Variants in ENTREP2 observed in about 807,000 individuals in gnomAD.
The protein encoded by ENTREP2 is endosomal transmembrane epsin interactor 2, also known as protein ENTREP2.
At chr15:29,565,918 G>A in the ENTREP2 span, among the ~76,000 whole-genome samples, 268 of 151,286 alleles carry the variant, frequency 1.8e-3, 1 homozygote, top group Middle Eastern at 6.8e-3. Context: ...CCGAGATCAC[G>A]CCACTGCACT....
At chr15:29,136,709 C>T in the ENTREP2 span, among the ~76,000 whole-genome samples, 1 of 150,954 alleles carries the variant, frequency 6.6e-6, no homozygotes, top group South Asian at 2.1e-4. Context: ...TCAATAAACT[C>T]TACTGACCTG....
chr15:29,279,261 G>C, the ENTREP2 span, among the ~76,000 whole-genome samples: 3 of 152,088 alleles, frequency 2.0e-5, no homozygotes, highest in African/African-American at 7.2e-5. Context: ...GAAAGTATAA[G>C]TGCTCCAGTT....
the ENTREP2 span, among the ~76,000 whole-genome samples, chr15:29,633,998 C>T: frequency 6.6e-6 from 1 of 152,014 alleles, no homozygotes; most frequent in Non-Finnish European, 1.5e-5. Context: ...ATGAGGGGCT[C>T]ACTGCTCGGG....
the ENTREP2 span, chr15:29,196,348 A>C: frequency 6.8e-7 from 1 of 1,471,978 alleles, no homozygotes; most frequent in Non-Finnish European, 9.2e-7. Flanking sequence ...GCTGAAAGGA[A>C]TCTATATGTT....
chr15:29,158,929 A>C, the ENTREP2 span, among the ~76,000 whole-genome samples: 6 of 152,340 alleles, frequency 3.9e-5, no homozygotes, highest in South Asian at 6.2e-4. Flanking sequence ...TCTCCAGTCT[A>C]CGTAAGTTAT....
chr15:29,440,056 T>C, the ENTREP2 span, among the ~76,000 whole-genome samples: 1 of 152,136 alleles, frequency 6.6e-6, no homozygotes, highest in African/African-American at 2.4e-5. Context: ...ACCTGATCCA[T>C]ATACTTCAAA....
the ENTREP2 span, chr15:29,124,622 C>T: frequency 2.8e-5 from 39 of 1,377,222 alleles, no homozygotes; most frequent in Admixed American, 2.0e-4. Flanking sequence ...AGCCAAGGAC[C>T]CACCAACACC....
the ENTREP2 span, among the ~76,000 whole-genome samples, chr15:29,490,453 G>C: frequency 0.04 from 6,159 of 152,198 alleles, 399 homozygotes; most frequent in African/African-American, 0.14. Context: ...TCCCTTGTCT[G>C]ACCCCACCCA....
chr15:29,330,428 G>A, the ENTREP2 span, among the ~76,000 whole-genome samples: 1 of 152,038 alleles, frequency 6.6e-6, no homozygotes, highest in Non-Finnish European at 1.5e-5. Flanking sequence ...CAGCCTGGGC[G>A]ACAGAGCGAG....
the ENTREP2 span, among the ~76,000 whole-genome samples, chr15:29,629,947 T>C: frequency 1.3e-5 from 2 of 151,984 alleles, no homozygotes; most frequent in Admixed American, 1.3e-4. Context: ...TGAAACCCCA[T>C]CTCTACTAAA....
At chr15:29,343,032 G>GGGGT in the ENTREP2 span, among the ~76,000 whole-genome samples, 47 of 146,220 alleles carry the variant, frequency 3.2e-4, 1 homozygote, top group South Asian at 0.01. Flanking sequence ...AGGAATGGGG[G>GGGGT]GGGTGGTTCT....
At chr15:29,581,529 T>C in the ENTREP2 span, among the ~76,000 whole-genome samples, 1 of 152,118 alleles carries the variant, frequency 6.6e-6, no homozygotes, top group Non-Finnish European at 1.5e-5. Context: ...CTGGGTACTG[T>C]GGCCCAGCAA....
the ENTREP2 span, among the ~76,000 whole-genome samples, chr15:29,463,539 G>A: frequency 8.9e-5 from 1 of 11,210 alleles, no homozygotes; most frequent in African/African-American, 1.2e-4. Context: ...GCACAGATGA[G>A]AGAGAGAGAC....
the ENTREP2 span, among the ~76,000 whole-genome samples, chr15:29,449,413 G>T: frequency 6.6e-6 from 1 of 152,198 alleles, no homozygotes. Flanking sequence ...TCACTGACTG[G>T]ATAGAAAGAC....
At chr15:29,195,626 A>G in the ENTREP2 span, among the ~76,000 whole-genome samples, 15,790 of 152,122 alleles carry the variant, frequency 0.1, 1,106 homozygotes, top group Non-Finnish European at 0.16. Context: ...CCAGGTTCCA[A>G]TGATTCTCCT....
chr15:29,255,760 G>T, the ENTREP2 span, among the ~76,000 whole-genome samples: 1 of 152,016 alleles, frequency 6.6e-6, no homozygotes, highest in Non-Finnish European at 1.5e-5. Context: ...CCAGCACTTT[G>T]GGGGGTCGAG....
chr15:29,142,942 T>C, the ENTREP2 span, among the ~76,000 whole-genome samples: 1 of 152,176 alleles, frequency 6.6e-6, no homozygotes, highest in South Asian at 2.1e-4. Context: ...ATCAACCACA[T>C]TGTATCATCA....
chr15:29,145,797 A>C, the ENTREP2 span, among the ~76,000 whole-genome samples: 2 of 152,138 alleles, frequency 1.3e-5, no homozygotes, highest in Admixed American at 1.3e-4. Flanking sequence ...CTTCTATTCA[A>C]CATCGTAGTG....
chr15:29,126,518 AG>A, the ENTREP2 span: 1 of 1,543,530 alleles, frequency 6.5e-7, no homozygotes, highest in African/African-American at 1.4e-5. Flanking sequence ...ATGGCATTAG[AG>A]TGGGCGGCCG....
Sources: gnomAD v4.1 joint callset for allele counts (sites outside exome capture counted in the v4.1 genomes callset) on GRCh38, gnomAD v4.1.1 for gene constraint, MANE v1.5 for transcripts, NCBI Gene and HGNC (gene_info 2026-07-23, HGNC 2026-07-21) for gene names.